Variants in TNXB observed in about 807,000 individuals in gnomAD.
The protein encoded by TNXB is tenascin XB.
TNXB carries 183 observed loss-of-function variants against 340.5 expected under a neutral mutation model. That is an observed-to-expected ratio of 0.54 (90% CI 0.48 to 0.61). TNXB has a LOEUF of 0.61. Ranked by LOEUF, TNXB falls within the 20% of genes least tolerant of loss-of-function variation. TNXB has a pLI of 0.00. For missense variants in TNXB, 4,613 were observed against 5,446.4 expected, an observed-to-expected ratio of 0.85 and a Z score of 4.82; for synonymous variants, 2,121 against 2,314.5, an observed-to-expected ratio of 0.92 and a Z score of 2.40.
rs1035693703 is a variant in TNXB at position 32,097,918 on chromosome 6, G to C, written c.281C>G (p.Pro94Arg). ...GGCCTGTACCTCTGAAGCAAGGACT[G>C]GGGGCTCGGTGCCTGGGGGACAGCC... is the stretch of plus-strand genomic sequence containing the variant. ...GCGCPPGTEP[P>R]VLASEVQALR... The change falls in exon 2 of 44, where the codon CCA (proline) becomes CGA (arginine). Residue 94 changes from proline (P) to arginine (R), a missense_variant. Pro to Arg is a moderately radical substitution (Grantham distance 103, BLOSUM62 -2). Transcript: ENST00000644971. This position sits in a 1 kb window ranked among gnomAD's most constrained non-coding sequence, Gnocchi z 5.9. The C allele has an allele frequency of 3.8e-6, 6 of 1,590,206 alleles. No individual in the cohort carries two copies. Among genetic ancestry groups the C allele is most frequent in the Non-Finnish European group, 5.2e-6 (6 of 1,164,292 alleles).
chr6:32,093,847 T>C (rs1205489008), intron 4 of TNXB, among the ~76,000 whole-genome samples: 2 of 151,972 alleles, frequency 1.3e-5, no homozygotes, highest in Admixed American at 6.6e-5. Context: ...CCCAGCACTT[T>C]GGGAGGCTGA....
At position 32,043,902 on chromosome 6, in the gene TNXB, T is replaced by A. The variant is rs549209308; in HGVS notation, c.11387-10A>T. On this transcript the variant is annotated splice_polypyrimidine_tract_variant and intron_variant, in intron 34 of 43. Coordinates refer to ENST00000644971, the MANE Select transcript of TNXB (RefSeq NM_001365276.2). ...ACACTCTGAGGCTCCCCTGAAAACATTGGGGATCGAGGGTTACCCAGGGAA... is the reference window on the plus strand; with the variant it reads ...ACACTCTGAGGCTCCCCTGAAAACAATGGGGATCGAGGGTTACCCAGGGAA... The A allele has an allele frequency of 5.0e-6, 8 of 1,613,388 alleles. No homozygotes were observed. Among genetic ancestry groups the A allele is most frequent in the Non-Finnish European group, 6.8e-6 (8 of 1,179,958 alleles).
Position 32,097,302 on chromosome 6 carries a change from G to C in TNXB, c.551C>G (p.Ser184Trp), listed in dbSNP as rs375853200. 5.0e-6 allele frequency: 8 copies of C among 1,613,610 alleles called. No individual in the cohort carries two copies. Among genetic ancestry groups the C allele is most frequent in the Non-Finnish European group, 5.9e-6 (7 of 1,179,804 alleles). Residue 184 changes from serine (S) to tryptophan (W), a missense_variant, in exon 3 of 44, where the codon TCG (serine) becomes TGG (tryptophan). Physicochemically the swap from Ser to Trp is radical, Grantham distance 177. Coordinates refer to ENST00000644971, the MANE Select transcript of TNXB (RefSeq NM_001365276.2). The surrounding 1 kb of genome is among the most constrained non-coding windows in gnomAD (Gnocchi z 5.9). ...EIPPSSPPSASGSCPDDCNDQ... is the reference protein window; with the variant it reads ...EIPPSSPPSAWGSCPDDCNDQ... ...ATTGCAGTCATCTGGGCAGGACCCC[G>C]AGGCTGAGGGTGGGGAAGAGGGAGG...
At position 32,049,516 on chromosome 6, in the gene TNXB, C is replaced by A. The variant is rs2151892548; in HGVS notation, c.9511G>T (p.Glu3171Ter). The A allele has an allele frequency of 6.2e-7, 1 of 1,612,544 alleles. No individual in the cohort carries two copies. Among genetic ancestry groups the A allele is most frequent in the Non-Finnish European group, 8.5e-7 (1 of 1,179,848 alleles). Residue 3171 changes from glutamate to a stop codon, truncating the protein, a stop_gained, in exon 28 of 44, where the codon GAG (glutamate) becomes TAG (stop). Transcript: ENST00000644971. LOFTEE classifies it high-confidence loss of function. The surrounding 1 kb of genome is among the most constrained non-coding windows in gnomAD (Gnocchi z 4.5). ...PEAPEEPLLG[E>*]LTVTGSSPDS... ...GGGGAGGATCCTGTCACTGTCAACT[C>A]CCCCAGGAGCGGCTCCTCAGGGGCC...
chr6:32,067,415 G>C lies in TNXB; in HGVS notation c.6544+246C>G, dbSNP rs1361972532. Among the ~76,000 whole-genome samples the C allele has an allele frequency of 1.3e-5, 2 of 152,190 alleles. No individual in the cohort carries two copies. The highest frequency in any genetic ancestry group is 2.4e-5 in the African/African-American group (1 of 41,432). Reference sequence around the variant, plus strand: ...GTATAGAGTTCCAAGGAAAAGCGGAGAGCCACAAACCAGCCAGTGAATCAC... The same window carrying C: ...GTATAGAGTTCCAAGGAAAAGCGGACAGCCACAAACCAGCCAGTGAATCAC... On this transcript the variant is annotated intron_variant, in intron 18 of 43. Coordinates refer to ENST00000644971, the MANE Select transcript of TNXB (RefSeq NM_001365276.2). The surrounding 1 kb of genome is among the most constrained non-coding windows in gnomAD (Gnocchi z 4.2).
Position 32,063,255 on chromosome 6 carries a change from G to A in TNXB, c.6842-772C>T, listed in dbSNP as rs887484283. Among the ~76,000 whole-genome samples the A allele has an allele frequency of 4.6e-5, 7 of 152,076 alleles. No homozygotes were observed. In the East Asian group the frequency reaches 1.2e-3, roughly 25 times the overall value. ...ATACAAAAATTAGCCAGATGTGCTG[G>A]TGCATGCCTGTAATCCCAGCTACTC... On this transcript the variant is annotated intron_variant, in intron 19 of 43. Transcript: ENST00000644971.
At chr6:32,057,454 C>T (rs891458161) in intron 22 of TNXB, among the ~76,000 whole-genome samples, 5 of 152,158 alleles carry the variant, frequency 3.3e-5, no homozygotes, top group Admixed American at 3.3e-4. Context: ...CTACTGGCCT[C>T]GCTGCCTCCA....
In TNXB at chr6:32,085,654, C is replaced by G. The variant is rs1217512768; in HGVS notation, c.3148+96G>C. On this transcript the variant is annotated intron_variant, in intron 7 of 43. Transcript: ENST00000644971. This position sits in a 1 kb window ranked among gnomAD's most constrained non-coding sequence, Gnocchi z 6.4. ...CCCCAAACATCAGCCCTGCCCTTCA[C>G]TGGCCCCTCAATATCCATCCTACCT... is the stretch of plus-strand genomic sequence containing the variant. 16 of 1,379,418 alleles carry G rather than the reference C, an allele frequency of 1.2e-5. No homozygotes were observed. Among genetic ancestry groups the G allele is most frequent in the Non-Finnish European group, 1.1e-5 (12 of 1,048,334 alleles). 85.4% of individuals were successfully genotyped at this position (1,379,418 alleles called of 1,614,324 possible).
chr6:32,049,970 C>T lies in TNXB; in HGVS notation c.9439+28G>A. 1 of 1,611,830 alleles carries T rather than the reference C, an allele frequency of 6.2e-7. No individual in the cohort carries two copies. The highest frequency in any genetic ancestry group is 1.3e-5 in the African/African-American group (1 of 75,024). On this transcript the variant is annotated intron_variant, in intron 27 of 43. Coordinates refer to ENST00000644971, the MANE Select transcript of TNXB (RefSeq NM_001365276.2). The surrounding 1 kb of genome is among the most constrained non-coding windows in gnomAD (Gnocchi z 4.5). ...CAAGAGGTGGCCCTCCCACAGCTCC[C>T]ACCCTGGGGCTCCCATCATTCACTC...
At chr6:32,099,023 A>G (rs1287803798) in intron 1 of TNXB, among the ~76,000 whole-genome samples, 1 of 152,084 alleles carries the variant, frequency 6.6e-6, no homozygotes, top group Non-Finnish European at 1.5e-5. Flanking sequence ...CTTTCTCTCA[A>G]TGCTACAATG....
chr6:32,105,684 G>T (rs1432485315), intron 1 of TNXB, among the ~76,000 whole-genome samples: 1 of 152,232 alleles, frequency 6.6e-6, no homozygotes, highest in Non-Finnish European at 1.5e-5. Flanking sequence ...AGCCACCAGG[G>T]CTGAGGCAGA....
intron 26 of TNXB, 121 bp from the exon 27 acceptor site, chr6:32,050,442 C>T: frequency 4.7e-6 from 6 of 1,282,494 alleles, no homozygotes; most frequent in Non-Finnish European, 6.5e-6. Flanking sequence ...GCCTCCAGCA[C>T]AGCTCTTCAT....
Position 32,067,613 on chromosome 6 carries a change from T to C in TNXB, c.6544+48A>G. 6.3e-7 allele frequency: 1 copy of C among 1,587,170 alleles called. No individual in the cohort carries two copies. Among genetic ancestry groups the C allele is most frequent in the Non-Finnish European group, 8.6e-7 (1 of 1,165,318 alleles). ...CCCTAGTGGAGGAGATGCTGGAGGC[T>C]GTACTTTGCTAAGACCCAACCCAGA... On this transcript the variant is annotated intron_variant, in intron 18 of 43. Transcript: ENST00000644971. This position sits in a 1 kb window ranked among gnomAD's most constrained non-coding sequence, Gnocchi z 4.2.
At chr6:32,103,159 G>A (rs997558046) in intron 1 of TNXB, among the ~76,000 whole-genome samples, 1 of 152,096 alleles carries the variant, frequency 6.6e-6, no homozygotes, top group Admixed American at 6.6e-5. Flanking sequence ...GGTGGCTCAT[G>A]CCTGTAATCT....
At chr6:32,078,498 A>C (rs7774197) in intron 11 of TNXB, 14,861 of 152,998 alleles carry the variant, frequency 0.097, 915 homozygotes, top group African/African-American at 0.16. Flanking sequence ...AGCTTGCTTC[A>C]AGCTGTACTG....
In TNXB at chr6:32,096,738, G is replaced by C; in HGVS notation, c.1115C>G (p.Thr372Arg). The C allele has an allele frequency of 6.4e-7, 1 of 1,551,184 alleles. No homozygotes were observed. The highest frequency in any genetic ancestry group is 8.7e-7 in the Non-Finnish European group (1 of 1,150,020). ...GYTGEDCSTR[T>R]CPRDCRGRGR... ...GCGGCCCCGGCAGTCCCTCGGACAT[G>C]TCCGCGTGCTGCAGTCCTCGCCTGT... Residue 372 changes from threonine to arginine, a missense_variant, in exon 3 of 44, where the codon ACA (threonine) becomes AGA (arginine). This residue lies in a region of TNXB where 4,327 missense variants were observed against 4,859.4 expected (regional missense o/e 0.89). Coordinates refer to ENST00000644971, the MANE Select transcript of TNXB (RefSeq NM_001365276.2).
At chr6:32,086,940 G>A (rs1341316380) in intron 6 of TNXB, among the ~76,000 whole-genome samples, 5 of 152,162 alleles carry the variant, frequency 3.3e-5, no homozygotes, top group Non-Finnish European at 7.3e-5. Context: ...ATCTTTGCAG[G>A]TGCCCCAACC....
At position 32,096,429 on chromosome 6, in the gene TNXB, C is replaced by A. The variant is rs1401291892; in HGVS notation, c.1424G>T (p.Arg475Leu). The A allele has an allele frequency of 2.5e-6, 4 of 1,593,006 alleles. No homozygotes were observed. The African/African-American group carries it at 5.4e-5, about 21-fold the overall frequency. Residue 475 changes from arginine to leucine, a missense_variant, in exon 3 of 44, where the codon CGC (arginine) becomes CTC (leucine). Coordinates refer to ENST00000644971, the MANE Select transcript of TNXB (RefSeq NM_001365276.2). ...ACACATGCAGCGGCCACTCTCACAG[C>A]GGCCCCGGCCACGACAGTCCCCAGG... is the stretch of plus-strand genomic sequence containing the variant. ...SCPGDCRGRG[R>L]CESGRCMCWP...
rs1443074359 is a variant in TNXB at position 32,073,013 on chromosome 6, A to G, written c.4681+634T>C. ...AATATAATGTTTCCTTTGTAATCCT[A>G]TACAGCTTATTTTACAGATTTAAAA... On this transcript the variant is annotated intron_variant, in intron 12 of 43. Transcript: ENST00000644971. This position sits in a 1 kb window ranked among gnomAD's most constrained non-coding sequence, Gnocchi z 4.6. 2.6e-5 allele frequency among the ~76,000 whole-genome samples: 4 copies of G among 152,332 alleles called. No individual in the cohort carries two copies. Among genetic ancestry groups the G allele is most frequent in the Non-Finnish European group, 5.9e-5 (4 of 68,032 alleles).
Sources: gnomAD v4.1 joint callset for allele counts (sites outside exome capture counted in the v4.1 genomes callset) on GRCh38, gnomAD v4.1.1 for gene constraint, gnomAD v4.1.1 regional missense constraint, Gnocchi (gnomAD v3.1) non-coding constraint, MANE v1.5 for transcripts, NCBI Gene and HGNC (gene_info 2026-07-23, HGNC 2026-07-21) for gene names.